Variants in RASAL1 observed in about 807,000 individuals in gnomAD.
RASAL1 encodes rasGAP-activating-like protein 1.
RASAL1 carries 72 observed loss-of-function variants against 96.6 expected under a neutral mutation model. The observed-to-expected ratio is 0.75, with a 90% CI of 0.62 to 0.91. The LOEUF (loss-of-function observed/expected upper bound fraction) is 0.91. Among genes scored for constraint, RASAL1 ranks in the 40% least tolerant of loss-of-function variants. The pLI, the probability that RASAL1 is intolerant of heterozygous loss-of-function variation, is 0.00. For synonymous variants in RASAL1, 405 were observed against 430.4 expected (o/e 0.94, Z 0.73); for missense variants, 1,016 against 1,072.5 (o/e 0.95, Z 0.74).
At chr12:113,131,364 G>T (rs1027909643) in intron 1 of RASAL1, among the ~76,000 whole-genome samples, 3 of 152,082 alleles carry the variant, frequency 2.0e-5, no homozygotes, top group Non-Finnish European at 4.4e-5. Context: ...CAGGTGTGAT[G>T]CTCACATACA....
intron 1 of RASAL1, among the ~76,000 whole-genome samples, chr12:113,131,874 C>T (rs1951722726): frequency 6.6e-6 from 1 of 152,120 alleles, no homozygotes; most frequent in African/African-American, 2.4e-5. Context: ...AGTCTCAGTC[C>T]AAAGTCACCT....
rs148977743 is a variant in RASAL1, at chr12:113,119,237, G to A, written c.533C>T (p.Pro178Leu). Residue 178 changes from proline (P) to leucine (L), a missense_variant, in exon 7 of 21, where the codon CCG becomes CTG. Coordinates refer to ENST00000548055, the MANE Select transcript of RASAL1 (RefSeq NM_001301202.2). The stretch of plus-strand genomic sequence containing the variant: ...CAGCTCCAGCACTTCATCCCAGTGC[G>A]GGAAGCGAGTCTTCTTGATGGTCTG... The part of the protein sequence containing the change: ...ETSTIKKTRF[P>L]HWDEVLELRE... The A allele has an allele frequency of 1.7e-5, 28 of 1,613,454 alleles. No individual in the cohort carries two copies. Among genetic ancestry groups the A allele is most frequent in the African/African-American group, 2.7e-5 (2 of 74,914 alleles).
chr12:113,107,287 G>C, intron 14 of RASAL1, 46 bp from the exon 15 acceptor site: 8 of 1,525,762 alleles, frequency 5.2e-6, no homozygotes, highest in African/African-American at 1.4e-5. Flanking sequence ...TCACAGCAGA[G>C]GGTAGGGCCC....
At chr12:113,104,389 C>G in intron 16 of RASAL1, 91 bp from the exon 17 acceptor site, 3 of 1,302,022 alleles carry the variant, frequency 2.3e-6, no homozygotes, top group Non-Finnish European at 3.2e-6. Flanking sequence ...CAGGTGGAGT[C>G]AGTTCCCAGC....
At chr12:113,125,778 G>A (rs1430023475) in intron 4 of RASAL1, among the ~76,000 whole-genome samples, 3 of 152,178 alleles carry the variant, frequency 2.0e-5, no homozygotes, top group Non-Finnish European at 4.4e-5. Flanking sequence ...ACTTACATAT[G>A]TGTGAAATTT....
At chr12:113,126,047 G>T (rs187479138) in intron 4 of RASAL1, among the ~76,000 whole-genome samples, 1 of 152,344 alleles carries the variant, frequency 6.6e-6, no homozygotes, top group Admixed American at 6.5e-5. Flanking sequence ...CACTTTGGGA[G>T]GCTAAGGCAG....
chr12:113,114,818 A>G lies in RASAL1; in HGVS notation c.1163T>C (p.Met388Thr), dbSNP rs1951014870. 6.2e-7 allele frequency: 1 copy of G among 1,614,056 alleles called. No individual in the cohort carries two copies. Among genetic ancestry groups the G allele is most frequent in the Non-Finnish European group, 8.5e-7 (1 of 1,179,920 alleles). ...TGCTCACCGGGTGCGGCCCAGGTCC[A>G]TCTTGCAGGGATCCAGCTCCATGTA... ...KKYMELDPCK[M>T]DLGRTRRISF... Residue 388 changes from methionine (M) to threonine (T), a missense_variant, in exon 12 of 21, where the codon ATG (methionine) becomes ACG (threonine). Coordinates refer to ENST00000548055, the MANE Select transcript of RASAL1 (RefSeq NM_001301202.2).
intron 4 of RASAL1, among the ~76,000 whole-genome samples, chr12:113,122,044 T>C (rs1951313828): frequency 6.6e-6 from 1 of 152,128 alleles, no homozygotes; most frequent in Non-Finnish European, 1.5e-5. Flanking sequence ...TAAAAATGTG[T>C]CAAGACCCTG....
At chr12:113,133,054 A>G (rs926404822) in intron 1 of RASAL1, among the ~76,000 whole-genome samples, 3 of 152,052 alleles carry the variant, frequency 2.0e-5, no homozygotes, top group African/African-American at 7.2e-5. Context: ...CCCCAACTAC[A>G]GATGTGGGGT....
At chr12:113,109,132 C>A (rs1249835142) in intron 13 of RASAL1, among the ~76,000 whole-genome samples, 1 of 150,906 alleles carries the variant, frequency 6.6e-6, no homozygotes. Context: ...CCAGCCGCCT[C>A]AGCCTCCCAA....
chr12:113,100,072 G>C lies in RASAL1; in HGVS notation c.2279-4C>G. The C allele has an allele frequency of 6.3e-7, 1 of 1,599,186 alleles. No individual in the cohort carries two copies. The highest frequency in any genetic ancestry group is 8.5e-7 in the Non-Finnish European group (1 of 1,171,710). On this transcript the variant is annotated splice_region_variant and splice_polypyrimidine_tract_variant and intron_variant, in intron 20 of 20. Coordinates refer to ENST00000548055, the MANE Select transcript of RASAL1 (RefSeq NM_001301202.2). ...GCCAGGACCTCAGGACAGGCCCCTA[G>C]GAGGGAGACAAGAGGCCACAGGGGC...
chr12:113,128,688 C>T (rs1482832909), intron 2 of RASAL1, among the ~76,000 whole-genome samples: 3 of 152,056 alleles, frequency 2.0e-5, no homozygotes, highest in Admixed American at 6.6e-5. Flanking sequence ...CACAGATACA[C>T]CAAGGAGGCC....
At chr12:113,135,807 G>A (rs1219844688), upstream of RASAL1, 2 of 223,544 alleles carry the variant, frequency 8.9e-6, no homozygotes, top group Non-Finnish European at 1.8e-5. This position sits in a 1 kb window ranked among gnomAD's most constrained non-coding sequence, Gnocchi z 5.7. Flanking sequence ...CCACAATCCC[G>A]CCTCCAATGG....
intron 8 of RASAL1, among the ~76,000 whole-genome samples, chr12:113,116,478 G>T (rs1295372527): frequency 4.6e-5 from 7 of 152,218 alleles, no homozygotes; most frequent in Admixed American, 3.3e-4. Flanking sequence ...AGGAGGGCAG[G>T]TGTTTGCAAA....
chr12:113,121,610 T>C lies in RASAL1; in HGVS notation c.327A>G (p.Arg109=). ...CCTGCACTTCTGCATCTGGGTCCAC[T>C]CGGCTCAAGTTAATCCAGCTGTCAA... is the stretch of plus-strand genomic sequence containing the variant. The part of the protein sequence containing the change: ...RGIDSWINLS[R]VDPDAEVQGE... The change falls in exon 5 of 21, where the codon CGA becomes CGG. Residue 109 remains arginine (R), a synonymous_variant. Coordinates refer to ENST00000548055, the MANE Select transcript of RASAL1 (RefSeq NM_001301202.2). 6.2e-7 allele frequency: 1 copy of C among 1,614,224 alleles called. No individual in the cohort carries two copies. The highest frequency in any genetic ancestry group is 8.5e-7 in the Non-Finnish European group (1 of 1,180,038).
At chr12:113,114,961 G>A (rs1420202772) in intron 11 of RASAL1, 49 bp from the exon 12 acceptor site, 2 of 1,443,872 alleles carry the variant, frequency 1.4e-6, no homozygotes, top group Admixed American at 1.7e-5. Context: ...CGAGGCCGGG[G>A]CATGCCCATG....
At chr12:113,106,475 C>A (rs1950650515) in intron 15 of RASAL1, among the ~76,000 whole-genome samples, 1 of 152,204 alleles carries the variant, frequency 6.6e-6, no homozygotes, top group Non-Finnish European at 1.5e-5. Flanking sequence ...ACCTCTCTGG[C>A]CTTGCCTCTT....
rs760431013 is a variant in RASAL1 at position 113,114,633 on chromosome 12, C to T, written c.1181+167G>A. On this transcript the variant is annotated intron_variant, in intron 12 of 20. Coordinates refer to ENST00000548055, the MANE Select transcript of RASAL1 (RefSeq NM_001301202.2). Reference sequence around the variant, plus strand: ...TGACCATAACCCCTATACTACACAGCCTGATGGTTTAAGGGCTTGTGTGTG... The same window carrying T: ...TGACCATAACCCCTATACTACACAGTCTGATGGTTTAAGGGCTTGTGTGTG... 9.8e-5 allele frequency among the ~76,000 whole-genome samples: 15 copies of T among 152,312 alleles called. No homozygotes were observed. In the East Asian group the frequency reaches 2.5e-3, roughly 25 times the overall value.
At chr12:113,132,641 G>A (rs1951766623) in intron 1 of RASAL1, among the ~76,000 whole-genome samples, 1 of 152,172 alleles carries the variant, frequency 6.6e-6, no homozygotes, top group African/African-American at 2.4e-5. Flanking sequence ...GGGATGCCAG[G>A]AAAGAGGGAC....
Sources: gnomAD v4.1 joint callset for allele counts (sites outside exome capture counted in the v4.1 genomes callset) on GRCh38, gnomAD v4.1.1 for gene constraint, Gnocchi (gnomAD v3.1) non-coding constraint, MANE v1.5 for transcripts, NCBI Gene and HGNC (gene_info 2026-07-23, HGNC 2026-07-21) for gene names.